Variants in WARS1 observed in about 807,000 individuals in gnomAD.
The protein encoded by WARS1 is tryptophanyl-tRNA synthetase 1, also known as tryptophan--tRNA ligase, cytoplasmic.
In WARS1, 17 loss-of-function variants were observed where a neutral mutation model predicts 47.8. The ratio of observed to expected loss-of-function variants is 0.36; its 90% CI spans 0.24 to 0.53. The LOEUF is 0.53. Among genes scored for constraint, WARS1 ranks in the 20% least tolerant of loss-of-function variants. The pLI, the probability that WARS1 is intolerant of heterozygous loss-of-function variation, is 0.91. For synonymous variants in WARS1, 208 were observed against 228.1 expected (o/e 0.91, Z 0.79); for missense variants, 434 against 608.0 (o/e 0.71, Z 3.01).
At position 100,353,769 on chromosome 14, in the gene WARS1, C is replaced by T; in HGVS notation, c.643G>A (p.Ala215Thr). 2 of 1,614,168 alleles carry T rather than the reference C, an allele frequency of 1.2e-6. No individual in the cohort carries two copies. The highest frequency in any genetic ancestry group is 2.7e-5 in the African/African-American group (2 of 75,028). ...DLTLDQAYSY[A>T]VENAKDIIAC... ...ATGATGTCCTTGGCATTCTCCACAG[C>T]ATAGCTATAGGCCTGGTCCAGGGTC... The change falls in exon 6 of 11, where the codon GCT (alanine) becomes ACT (threonine). Residue 215 changes from alanine to threonine, a missense_variant. Transcript: ENST00000392882.
At chr14:100,356,395 G>T (rs1393263124) in intron 4 of WARS1, among the ~76,000 whole-genome samples, 1 of 82,536 alleles carries the variant, frequency 1.2e-5, no homozygotes, top group Non-Finnish European at 3.3e-5. Flanking sequence ...GTGTGTGTGT[G>T]TGTGGGGGGG....
intron 6 of WARS1, among the ~76,000 whole-genome samples, chr14:100,352,107 TC>T (rs1895025935): frequency 9.3e-6 from 1 of 107,196 alleles, no homozygotes; most frequent in African/African-American, 3.1e-5. Flanking sequence ...TCAGTTTCTT[TC>T]TTTTTTTTTT....
chr14:100,345,050 C>T lies in WARS1; in HGVS notation c.827-1663G>A, dbSNP rs1266001097. ...GCCGCCCCGTCCGGGAGGGAGGTGG[C>T]GGGGTCAGCCCCCCGCCCGGCCAGC... is the stretch of plus-strand genomic sequence containing the variant. On this transcript the variant is annotated intron_variant, in intron 7 of 10. Transcript: ENST00000392882. 2.9e-3 allele frequency among the ~76,000 whole-genome samples: 52 copies of T among 18,172 alleles called. No individual in the cohort carries two copies. In the Admixed American group the frequency reaches 0.045, roughly 16 times the overall value. The allele number at this position is 18,172 out of a possible 152,430, so 11.9% of individuals were successfully genotyped here.
chr14:100,334,147 G>A lies in WARS1; in HGVS notation c.*728C>T, dbSNP rs901501462. The A allele has an allele frequency of 6.6e-6, 1 of 152,614 alleles. No individual in the cohort carries two copies. Among genetic ancestry groups the A allele is most frequent in the African/African-American group, 2.4e-5 (1 of 41,426 alleles). The allele number at this position is 152,614 out of a possible 1,614,324, so 9.5% of individuals were successfully genotyped here. The stretch of plus-strand genomic sequence containing the variant: ...TGACTCTGCAGGACAGAGGGTCTAG[G>A]GTCATTTGGCAGGAGAACACTGGTG... On this transcript the variant is annotated 3_prime_UTR_variant, in exon 11 of 11. Transcript: ENST00000392882.
At position 100,334,955 on chromosome 14, in the gene WARS1, G is replaced by T; in HGVS notation, c.1336C>A (p.Gln446Lys). ...EVLQPLIAEH[Q>K]ARRKEVTDEI... Reference sequence around the variant, plus strand: ...TCCGTGACCTCCTTGCGCCGGGCCTGGTGCTCTGCGATCAAGGGCTGCAGA... The same window carrying T: ...TCCGTGACCTCCTTGCGCCGGGCCTTGTGCTCTGCGATCAAGGGCTGCAGA... The change falls in exon 11 of 11, where the codon CAG becomes AAG. Residue 446 changes from glutamine to lysine, a missense_variant. By Grantham distance (53) the Gln-to-Lys change is moderately conservative. Around this residue, in one of 2 missense-constraint regions of WARS1, gnomAD observed 347 missense variants for 523.8 expected, o/e 0.66. Coordinates refer to ENST00000392882, the MANE Select transcript of WARS1 (RefSeq NM_004184.4). 6.2e-7 allele frequency: 1 copy of T among 1,614,206 alleles called. No individual in the cohort carries two copies. Among genetic ancestry groups the T allele is most frequent in the South Asian group, 1.1e-5 (1 of 91,084 alleles).
At position 100,360,639 on chromosome 14, in the gene WARS1, C is replaced by T; in HGVS notation, c.337G>A (p.Asp113Asn). ...TCTATTCGGTTTATTAGCTCTTTGT[C>T]AATTTTACTACTTCCAAACCGAACT... is the stretch of plus-strand genomic sequence containing the variant. ...LIVRFGSSKI[D>N]KELINRIERA... The change falls in exon 4 of 11, where the codon GAC becomes AAC. Residue 113 changes from aspartate to asparagine, a missense_variant. By Grantham distance (23) the Asp-to-Asn change is conservative. This residue lies in a region of WARS1 where 347 missense variants were observed against 523.8 expected (regional missense o/e 0.66). Transcript: ENST00000392882. 1 of 1,613,646 alleles carries T rather than the reference C, an allele frequency of 6.2e-7. No homozygotes were observed. Among genetic ancestry groups the T allele is most frequent in the Non-Finnish European group, 8.5e-7 (1 of 1,179,718 alleles).
intron 4 of WARS1, among the ~76,000 whole-genome samples, chr14:100,355,666 T>G (rs895141035): frequency 6.6e-6 from 1 of 152,202 alleles, no homozygotes; most frequent in African/African-American, 2.4e-5. Flanking sequence ...GAGGTCTGGA[T>G]AGGAGAATCT....
chr14:100,336,068 G>A (rs889867739), intron 10 of WARS1, among the ~76,000 whole-genome samples: 2 of 151,794 alleles, frequency 1.3e-5, no homozygotes, highest in African/African-American at 4.8e-5. Flanking sequence ...GAGGTCGGGA[G>A]GTCGAGACCA....
At chr14:100,337,662 G>A (rs1025823583) in intron 9 of WARS1, among the ~76,000 whole-genome samples, 2 of 141,168 alleles carry the variant, frequency 1.4e-5, no homozygotes, top group Admixed American at 7.5e-5. Context: ...ACCAGTCTGG[G>A]TAACTTAGTG....
chr14:100,345,050 CG>C (rs1894486197), intron 7 of WARS1, among the ~76,000 whole-genome samples: 2 of 18,152 alleles, frequency 1.1e-4, no homozygotes, highest in Admixed American at 1.2e-3. Context: ...AGGGAGGTGG[CG>C]GGGTCAGCCC....
chr14:100,335,620 C>G (rs1244173937), intron 10 of WARS1, among the ~76,000 whole-genome samples: 2 of 152,096 alleles, frequency 1.3e-5, no homozygotes, highest in Non-Finnish European at 2.9e-5. Flanking sequence ...TCGTGATCCA[C>G]TCCCCCCACC....
In WARS1 at chr14:100,334,859, A is replaced by G. The variant is rs747565490; in HGVS notation, c.*16T>C. Reference sequence around the variant, plus strand: ...CTGATACATCACTTCTTTTATAAGCATATGTAAAACGAGTGCTACTGAAAG... The same window carrying G: ...CTGATACATCACTTCTTTTATAAGCGTATGTAAAACGAGTGCTACTGAAAG... On this transcript the variant is annotated 3_prime_UTR_variant, in exon 11 of 11. Transcript: ENST00000392882. The G allele has an allele frequency of 4.3e-6, 7 of 1,612,758 alleles. No individual in the cohort carries two copies. The Admixed American group carries it at 8.3e-5, about 19-fold the overall frequency.
intron 8 of WARS1, 74 bp from the exon 9 acceptor site, chr14:100,342,645 G>T: frequency 7.1e-7 from 1 of 1,414,106 alleles, no homozygotes. Context: ...CAGTCCCTGT[G>T]AGCATCTTCC....
intron 2 of WARS1, 79 bp from the exon 3 acceptor site, chr14:100,362,000 A>G: frequency 6.9e-7 from 1 of 1,459,674 alleles, no homozygotes; most frequent in Non-Finnish European, 9.5e-7. Flanking sequence ...TGTGGCAGGC[A>G]CTGTGTTAAA....
intron 4 of WARS1, 109 bp downstream of exon 4, chr14:100,360,445 C>T: frequency 1.3e-6 from 1 of 751,288 alleles, no homozygotes; most frequent in Middle Eastern, 2.6e-4. Flanking sequence ...CCACAGCTGG[C>T]CATCACTTTT....
chr14:100,353,418 T>G (rs1895119664), intron 6 of WARS1, among the ~76,000 whole-genome samples: 1 of 92,342 alleles, frequency 1.1e-5, no homozygotes, highest in Non-Finnish European at 2.3e-5. Flanking sequence ...ACCCAACTAA[T>G]TTTTGTATTT....
intron 4 of WARS1, among the ~76,000 whole-genome samples, chr14:100,360,275 T>C (rs1895577113): frequency 6.6e-6 from 1 of 152,218 alleles, no homozygotes. Flanking sequence ...ATAATTTCTT[T>C]ACAGCCTGTA....
chr14:100,342,687 TTCAC>T, intron 8 of WARS1, 116 bp from the exon 9 acceptor site: 1 of 933,092 alleles, frequency 1.1e-6, no homozygotes, highest in Non-Finnish European at 1.6e-6. Context: ...ACCAAAGAAA[TTCAC>T]TCCCTCCTCC....
chr14:100,364,487 C>A (rs915626031), intron 2 of WARS1, among the ~76,000 whole-genome samples: 1 of 152,214 alleles, frequency 6.6e-6, no homozygotes, highest in South Asian at 2.1e-4. Context: ...GTGGCTCACA[C>A]TATTTTGCTA....
Sources: allele counts gnomAD v4.1 joint callset (sites outside exome capture counted in the v4.1 genomes callset), GRCh38; gene constraint gnomAD v4.1.1; regional missense constraint gnomAD v4.1.1; transcripts MANE v1.5; gene names NCBI Gene and HGNC (gene_info 2026-07-23, HGNC 2026-07-21).